CDK19: variants seen among roughly 807,000 people sequenced by gnomAD.
The protein encoded by CDK19 is cyclin-dependent kinase 19.
Under a neutral mutation model 68.3 loss-of-function variants are expected in CDK19, and 20 were observed. The ratio of observed to expected loss-of-function variants is 0.29; its 90% CI spans 0.21 to 0.43. CDK19 has a LOEUF of 0.43. Ranked by LOEUF, CDK19 falls within the 20% of genes least tolerant of loss-of-function variation. The pLI is 1.00. For synonymous variants in CDK19, 221 were observed against 222.8 expected, an observed-to-expected ratio of 0.99 and a Z score of 0.07; for missense variants, 339 against 623.5, an observed-to-expected ratio of 0.54 and a Z score of 4.86.
At chr6:110,657,004 T>G (rs1478565105) in intron 4 of CDK19, among the ~76,000 whole-genome samples, 1 of 152,246 alleles carries the variant, frequency 6.6e-6, no homozygotes, top group African/African-American at 2.4e-5. Flanking sequence ...TATTTATGTT[T>G]GGAATACCCA....
At chr6:110,690,829 A>G (rs1723143614) in intron 2 of CDK19, among the ~76,000 whole-genome samples, 1 of 152,232 alleles carries the variant, frequency 6.6e-6, no homozygotes. Context: ...AACTATAAAC[A>G]TTAAAGTCAC....
In CDK19 at chr6:110,670,423, A is replaced by G. The variant is rs753328500; in HGVS notation, c.315+8T>C. 4 of 1,481,748 alleles carry G rather than the reference A, an allele frequency of 2.7e-6. No individual in the cohort carries two copies. Among genetic ancestry groups the G allele is most frequent in the Non-Finnish European group, 3.8e-6 (4 of 1,059,244 alleles). 91.8% of individuals were successfully genotyped at this position (1,481,748 alleles called of 1,614,324 possible). A position where few individuals can be genotyped will look rare whatever the true frequency, so the allele number is the denominator to read the frequency against. ...ACAATCCTAGAAATACAGTGAGATT[A>G]TACTTACCCACAAGTCATGCTCTGC... On this transcript the variant is annotated splice_region_variant and intron_variant, in intron 3 of 12. Coordinates refer to ENST00000368911, the MANE Select transcript of CDK19 (RefSeq NM_015076.5).
intron 3 of CDK19, among the ~76,000 whole-genome samples, chr6:110,669,000 G>A (rs1002639110): frequency 3.9e-5 from 6 of 151,984 alleles, no homozygotes; most frequent in Non-Finnish European, 8.8e-5. Flanking sequence ...ATATGGTATT[G>A]GACAGTACAG....
intron 1 of CDK19, 88 bp from the exon 2 acceptor site, chr6:110,746,289 T>C (rs534271584): frequency 2.7e-6 from 2 of 727,712 alleles, no homozygotes; most frequent in South Asian, 1.8e-5. Context: ...ATGCACTTAA[T>C]TTCTCAGTGA....
chr6:110,729,333 C>G (rs1239831622), intron 2 of CDK19, among the ~76,000 whole-genome samples: 1 of 152,154 alleles, frequency 6.6e-6, no homozygotes, highest in Non-Finnish European at 1.5e-5. Flanking sequence ...CTGAAAAAAA[C>G]TGTGTACTCA....
At chr6:110,648,885 T>C (rs1364673936) in intron 4 of CDK19, among the ~76,000 whole-genome samples, 2 of 152,036 alleles carry the variant, frequency 1.3e-5, no homozygotes, top group African/African-American at 2.4e-5. Flanking sequence ...ACCCGGCTCA[T>C]TTTTTGTATT....
At chr6:110,733,522 T>A (rs1413775889) in intron 2 of CDK19, among the ~76,000 whole-genome samples, 1 of 152,206 alleles carries the variant, frequency 6.6e-6, no homozygotes, top group African/African-American at 2.4e-5. Flanking sequence ...CATCAGAAAC[T>A]GCAAACTTTT....
chr6:110,799,475 A>G (rs758770399), intron 1 of CDK19, among the ~76,000 whole-genome samples: 4 of 152,170 alleles, frequency 2.6e-5, no homozygotes, highest in Non-Finnish European at 4.4e-5. Context: ...CATATAACCT[A>G]TATGTATCCT....
At chr6:110,815,730 T>C (rs955812193), upstream of CDK19, 1 of 152,470 alleles carries the variant, frequency 6.6e-6, no homozygotes, top group Admixed American at 6.5e-5. Context: ...TGGAAAGAAG[T>C]GCCTTACTCT....
At chr6:110,720,417 CTCA>C (rs1317497339) in intron 2 of CDK19, among the ~76,000 whole-genome samples, 2 of 152,146 alleles carry the variant, frequency 1.3e-5, no homozygotes, top group Non-Finnish European at 2.9e-5. Context: ...CTGTCAGGTA[CTCA>C]ATCAGTTTTG....
Position 110,631,225 on chromosome 6 carries a change from T to C in CDK19, c.646+805A>G, listed in dbSNP as rs1299653084. Among the ~76,000 whole-genome samples the C allele has an allele frequency of 2.0e-5, 3 of 152,188 alleles. No individual in the cohort carries two copies. In the East Asian group the frequency reaches 5.8e-4, roughly 29 times the overall value. On this transcript the variant is annotated intron_variant, in intron 6 of 12. Transcript: ENST00000368911. ...AAAAGGAAAATTTAAAGAAATATAC[T>C]TAGGAAATTTGGATACCTTGTAGAA... is the stretch of plus-strand genomic sequence containing the variant.
At chr6:110,643,554 T>C (rs1780342243) in intron 4 of CDK19, among the ~76,000 whole-genome samples, 2 of 152,182 alleles carry the variant, frequency 1.3e-5, no homozygotes, top group African/African-American at 4.8e-5. Flanking sequence ...ACTAAGATTT[T>C]GGGGTTATAG....
chr6:110,788,622 T>C (rs1017236192), intron 1 of CDK19, among the ~76,000 whole-genome samples: 1 of 152,220 alleles, frequency 6.6e-6, no homozygotes, highest in African/African-American at 2.4e-5. Flanking sequence ...GCCTCTCTTA[T>C]AGCAATCCTG....
At chr6:110,740,249 T>A (rs955263109) in intron 2 of CDK19, among the ~76,000 whole-genome samples, 9 of 152,206 alleles carry the variant, frequency 5.9e-5, no homozygotes, top group African/African-American at 1.7e-4. Context: ...AATGGTTGAA[T>A]TAATAGCATT....
intron 4 of CDK19, 134 bp downstream of exon 4, chr6:110,667,300 T>A: frequency 5.3e-6 from 3 of 570,200 alleles, no homozygotes; most frequent in Non-Finnish European, 8.8e-6. Flanking sequence ...GTGATTTTTA[T>A]CTTCTTTTTT....
chr6:110,767,274 G>A (rs1270032954), intron 1 of CDK19, among the ~76,000 whole-genome samples: 2 of 151,964 alleles, frequency 1.3e-5, no homozygotes, highest in African/African-American at 4.8e-5. Flanking sequence ...CAAAATCACA[G>A]ATAGGAGGAA....
At chr6:110,807,145 T>TA (rs761400244) in intron 1 of CDK19, among the ~76,000 whole-genome samples, 2,014 of 125,276 alleles carry the variant, frequency 0.016, 47 homozygotes, top group African/African-American at 0.053. Context: ...ACAAATAATT[T>TA]AAAAAAAAAA....
chr6:110,717,277 G>T (rs1775481499), intron 2 of CDK19, among the ~76,000 whole-genome samples: 1 of 151,482 alleles, frequency 6.6e-6, no homozygotes, highest in Non-Finnish European at 1.5e-5. Flanking sequence ...ATATACTTGG[G>T]CCCCTGTATA....
chr6:110,717,831 A>G (rs995558732), intron 2 of CDK19, among the ~76,000 whole-genome samples: 31 of 152,260 alleles, frequency 2.0e-4, no homozygotes, highest in African/African-American at 6.7e-4. Flanking sequence ...CCTCCCACGT[A>G]GCTGGGATTA....
Sources: gnomAD v4.1 joint callset for allele counts (sites outside exome capture counted in the v4.1 genomes callset) on GRCh38, gnomAD v4.1.1 for gene constraint, MANE v1.5 for transcripts, NCBI Gene and HGNC (gene_info 2026-07-23, HGNC 2026-07-21) for gene names.